Variants in ZNF277 observed in about 807,000 individuals in gnomAD.
ZNF277 encodes the protein nuclear receptor-interacting factor 4.
Under a neutral mutation model 60.7 loss-of-function variants are expected in ZNF277, and 55 were observed. The ratio of observed to expected loss-of-function variants is 0.91; its 90% CI spans 0.73 to 1.13. The LOEUF is 1.13. Among genes scored for constraint, ZNF277 ranks in the 50% most tolerant of loss-of-function variants. ZNF277 has a pLI of 0.00. For synonymous variants in ZNF277, 178 were observed against 179.3 expected (o/e 0.99, Z 0.06); for missense variants, 510 against 523.0 (o/e 0.98, Z 0.24).
In ZNF277 at chr7:112,342,603, A is replaced by G. The variant is rs1563236165; in HGVS notation, c.1227A>G (p.Thr409=). 1.2e-6 allele frequency: 2 copies of G among 1,612,754 alleles called. No homozygotes were observed. The highest frequency in any genetic ancestry group is 1.1e-5 in the South Asian group (1 of 90,850). ...PTYENDTLLC[T]LSDSESDLTA... ...ATGAAAATGACACTCTCCTGTGTAC[A>G]CTATCTGACAGTGAAAGTGACCTGA... The change falls in exon 12 of 12, where the codon ACA becomes ACG. Residue 409 remains threonine (T), a synonymous_variant. Coordinates refer to ENST00000361822, the MANE Select transcript of ZNF277 (RefSeq NM_021994.3).
chr7:112,313,280 A>T (rs868857961), intron 4 of ZNF277, among the ~76,000 whole-genome samples: 11 of 144,308 alleles, frequency 7.6e-5, no homozygotes, highest in African/African-American at 3.1e-4. Flanking sequence ...GTATGTTTTA[A>T]AATTTTTTTT....
At chr7:112,281,404 A>G (rs1311715287) in intron 1 of ZNF277, among the ~76,000 whole-genome samples, 1 of 152,228 alleles carries the variant, frequency 6.6e-6, no homozygotes, top group African/African-American at 2.4e-5. Flanking sequence ...ACTTACTCTG[A>G]ATTCCAAATG....
intron 4 of ZNF277, among the ~76,000 whole-genome samples, chr7:112,315,800 G>A (rs1363126850): frequency 1.3e-5 from 2 of 152,060 alleles, no homozygotes; most frequent in Non-Finnish European, 2.9e-5. Flanking sequence ...TATCTATGCT[G>A]TTATTTTAGT....
intron 1 of ZNF277, among the ~76,000 whole-genome samples, chr7:112,221,247 A>G (rs563951681): frequency 2.0e-5 from 3 of 152,218 alleles, no homozygotes; most frequent in African/African-American, 7.2e-5. Flanking sequence ...GTTCTCTTCC[A>G]TGACCCACGG....
intron 10 of ZNF277, 61 bp from the exon 11 acceptor site, chr7:112,340,811 T>C (rs988224234): frequency 5.4e-6 from 8 of 1,485,798 alleles, no homozygotes; most frequent in Non-Finnish European, 7.3e-6. Context: ...TAAGAAATTA[T>C]AATAGTGCAA....
At chr7:112,279,942 T>G (rs528877370) in intron 1 of ZNF277, among the ~76,000 whole-genome samples, 239 of 152,028 alleles carry the variant, frequency 1.6e-3, no homozygotes, top group Non-Finnish European at 2.6e-3. Context: ...ATGGACAAAG[T>G]GGAAGGGGAT....
chr7:112,328,528 C>G (rs1412282113), intron 6 of ZNF277: 1 of 151,926 alleles, frequency 6.6e-6, no homozygotes, highest in Non-Finnish European at 1.5e-5. Context: ...AAATAAAATA[C>G]TAACAAGTGT....
chr7:112,264,231 A>G (rs943230800), intron 1 of ZNF277, among the ~76,000 whole-genome samples: 1 of 150,490 alleles, frequency 6.6e-6, no homozygotes, highest in Admixed American at 6.6e-5. Context: ...AATATTCAAA[A>G]CCCGTTGCCC....
At chr7:112,254,984 A>G (rs1471802444) in intron 1 of ZNF277, among the ~76,000 whole-genome samples, 1 of 152,068 alleles carries the variant, frequency 6.6e-6, no homozygotes, top group Non-Finnish European at 1.5e-5. Flanking sequence ...AAGAAACAAA[A>G]CAAACAAACA....
chr7:112,318,446 T>A (rs1166085835), intron 5 of ZNF277, among the ~76,000 whole-genome samples, 173 bp downstream of exon 5: 1 of 152,088 alleles, frequency 6.6e-6, no homozygotes, highest in East Asian at 1.9e-4. Flanking sequence ...GTAGGTGCTC[T>A]AAGCAGCAGA....
At chr7:112,216,773 A>T (rs1587082105) in intron 1 of ZNF277, among the ~76,000 whole-genome samples, 1 of 152,240 alleles carries the variant, frequency 6.6e-6, no homozygotes, top group African/African-American at 2.4e-5. Context: ...CAGTCCTAGC[A>T]TCTGTAAAAA....
chr7:112,331,490 A>G (rs1014883676), intron 7 of ZNF277, among the ~76,000 whole-genome samples: 6 of 152,168 alleles, frequency 3.9e-5, no homozygotes, highest in Non-Finnish European at 7.3e-5. Flanking sequence ...ATAATCAGCC[A>G]TTTTATCTAT....
chr7:112,277,011 A>G (rs1319023224), intron 1 of ZNF277, among the ~76,000 whole-genome samples: 2 of 152,054 alleles, frequency 1.3e-5, no homozygotes, highest in Non-Finnish European at 2.9e-5. Context: ...GATAGAAAAT[A>G]TAAGTAACAG....
intron 1 of ZNF277, among the ~76,000 whole-genome samples, chr7:112,246,028 C>T (rs1472149906): frequency 6.6e-6 from 1 of 152,184 alleles, no homozygotes; most frequent in Non-Finnish European, 1.5e-5. Context: ...TTGCCCCTTA[C>T]ACTGTCACTA....
chr7:112,263,015 G>T (rs1242121683), intron 1 of ZNF277, among the ~76,000 whole-genome samples: 4 of 152,146 alleles, frequency 2.6e-5, no homozygotes, highest in African/African-American at 9.7e-5. Context: ...ATGAGCTTGG[G>T]CTCTGGAGTC....
At chr7:112,260,248 G>A (rs1044938371) in intron 1 of ZNF277, among the ~76,000 whole-genome samples, 15 of 152,148 alleles carry the variant, frequency 9.9e-5, no homozygotes, top group Non-Finnish European at 1.0e-4. Flanking sequence ...CCTAGTGATA[G>A]GAGTGAGACC....
At chr7:112,250,097 G>A (rs2117008144) in intron 1 of ZNF277, among the ~76,000 whole-genome samples, 1 of 152,256 alleles carries the variant, frequency 6.6e-6, no homozygotes, top group East Asian at 1.9e-4. Context: ...CTTTTTCTCA[G>A]CATGGAACAT....
chr7:112,286,908 C>T lies in ZNF277; in HGVS notation c.127C>T (p.Pro43Ser). Residue 43 changes from proline to serine, a missense_variant, in exon 2 of 12, where the codon CCA (proline) becomes TCA (serine). Coordinates refer to ENST00000361822, the MANE Select transcript of ZNF277 (RefSeq NM_021994.3). ...KDCILEPLSL[P>S]ESPGGTTTLE... is the part of the protein sequence containing the mutation. ...TTGTATCCTGGAGCCGCTTTCCCTGCCAGAAAGTCCAGGTGGCACCACCAC... is the reference window on the plus strand; with the variant it reads ...TTGTATCCTGGAGCCGCTTTCCCTGTCAGAAAGTCCAGGTGGCACCACCAC... The T allele has an allele frequency of 6.3e-7, 1 of 1,584,098 alleles. No individual in the cohort carries two copies. Among genetic ancestry groups the T allele is most frequent in the South Asian group, 1.1e-5 (1 of 90,418 alleles).
At chr7:112,287,202 A>G (rs1792089072) in intron 2 of ZNF277, 128 bp downstream of exon 2, 2 of 882,788 alleles carry the variant, frequency 2.3e-6, no homozygotes, top group Non-Finnish European at 3.5e-6. Context: ...TCAAGATGCC[A>G]GCTCTAAAAA....
Sources: gnomAD v4.1 joint callset for allele counts (sites outside exome capture counted in the v4.1 genomes callset) on GRCh38, gnomAD v4.1.1 for gene constraint, MANE v1.5 for transcripts, NCBI Gene and HGNC (gene_info 2026-07-23, HGNC 2026-07-21) for gene names.